ABCA13: variants seen among roughly 807,000 people sequenced by gnomAD.
ABCA13 encodes the protein ATP binding cassette subfamily A member 13.
A neutral mutation model predicts 478.7 loss-of-function variants in ABCA13; 476 were observed. The ratio of observed to expected loss-of-function variants is 0.99; its 90% CI spans 0.92 to 1.07. The LOEUF (loss-of-function observed/expected upper bound fraction) is 1.07, where lower values mean the gene tolerates loss of function less well. ABCA13 is among the 50% of genes least tolerant of loss of function. The pLI, the probability that ABCA13 is intolerant of heterozygous loss-of-function variation, is 0.00. For missense variants in ABCA13, 6,060 were observed against 5,910.6 expected (o/e 1.03, Z -0.83); for synonymous variants, 2,252 against 2,158.9 (o/e 1.04, Z -1.20).
intron 2 of ABCA13, among the ~76,000 whole-genome samples, chr7:48,193,647 G>T (rs1034177187): frequency 4.5e-4 from 68 of 150,740 alleles, no homozygotes; most frequent in African/African-American, 1.0e-3. Context: ...TAGTAACTAT[G>T]ATGATGATGA....
chr7:48,229,011 T>C (rs1275726427), intron 6 of ABCA13, among the ~76,000 whole-genome samples: 3 of 152,204 alleles, frequency 2.0e-5, no homozygotes, highest in Non-Finnish European at 4.4e-5. Context: ...TTGCAAGTGG[T>C]ACCAGGTTTC....
At chr7:48,602,439 T>C (rs1265692813) in intron 58 of ABCA13, among the ~76,000 whole-genome samples, 1 of 152,230 alleles carries the variant, frequency 6.6e-6, no homozygotes, top group Middle Eastern at 3.2e-3. Context: ...GCTTTCTGCA[T>C]ATAGCTACCC....
intron 57 of ABCA13, among the ~76,000 whole-genome samples, 173 bp from the exon 58 acceptor site, chr7:48,594,537 C>G (rs1352683870): frequency 6.6e-6 from 1 of 152,110 alleles, no homozygotes; most frequent in East Asian, 1.9e-4. Context: ...CTCTCACATT[C>G]CCCTATCATT....
intron 42 of ABCA13, among the ~76,000 whole-genome samples, chr7:48,428,211 G>A (rs1432365604): frequency 6.6e-6 from 1 of 152,104 alleles, no homozygotes; most frequent in East Asian, 1.9e-4. Context: ...GCCTACCTGC[G>A]TGGTGTGCCT....
chr7:48,642,193 C>G (rs575739290), intron 59 of ABCA13, among the ~76,000 whole-genome samples: 2 of 152,136 alleles, frequency 1.3e-5, no homozygotes, highest in Non-Finnish European at 2.9e-5. Flanking sequence ...AAACAGAACA[C>G]CAGGGCAAAG....
chr7:48,403,295 GCTT>G (rs1455748648), intron 38 of ABCA13, among the ~76,000 whole-genome samples: 1 of 152,232 alleles, frequency 6.6e-6, no homozygotes, highest in African/African-American at 2.4e-5. Context: ...GGCCTGCCTT[GCTT>G]CTTCTGACCA....
intron 3 of ABCA13, among the ~76,000 whole-genome samples, chr7:48,201,954 G>C (rs1798798850): frequency 1.3e-5 from 2 of 152,028 alleles, no homozygotes; most frequent in Admixed American, 1.3e-4. Context: ...TGAAGCTGCA[G>C]ACCTTCACGG....
chr7:48,595,130 T>G (rs141240269), intron 58 of ABCA13, among the ~76,000 whole-genome samples: 178 of 152,334 alleles, frequency 1.2e-3, no homozygotes, highest in African/African-American at 4.2e-3. Flanking sequence ...CATTTTCAGG[T>G]CTTCCTGAGG....
At chr7:48,540,581 G>C (rs1028138931) in intron 55 of ABCA13, among the ~76,000 whole-genome samples, 1 of 152,026 alleles carries the variant, frequency 6.6e-6, no homozygotes, top group Non-Finnish European at 1.5e-5. Context: ...GTACCTTCCT[G>C]CCCATGAAGC....
chr7:48,367,112 G>C (rs970122980), intron 31 of ABCA13, among the ~76,000 whole-genome samples: 1 of 152,148 alleles, frequency 6.6e-6, no homozygotes, highest in Non-Finnish European at 1.5e-5. Flanking sequence ...TACATTTAAA[G>C]GCAGGTAAAG....
chr7:48,371,076 A>T (rs1812559949), intron 32 of ABCA13, among the ~76,000 whole-genome samples: 1 of 152,114 alleles, frequency 6.6e-6, no homozygotes, highest in African/African-American at 2.4e-5. Context: ...TTTGTCGAAG[A>T]TCAGATGGTT....
In ABCA13 at chr7:48,549,181, A is replaced by G. The variant is rs141990360; in HGVS notation, c.14354+20836A>G. Reference sequence around the variant, plus strand: ...CATCTAGGTTTTAGGCCTTGCATGCATTAGGTATTTGTCCTAATGCTTTCC... The same window carrying G: ...CATCTAGGTTTTAGGCCTTGCATGCGTTAGGTATTTGTCCTAATGCTTTCC... On this transcript the variant is annotated intron_variant, in intron 55 of 61. Transcript: ENST00000435803. 4.2e-3 allele frequency among the ~76,000 whole-genome samples: 640 copies of G among 151,896 alleles called. 17 individuals carry two copies. Among genetic ancestry groups the G allele is most frequent in the South Asian group, 0.015 (73 of 4,818 alleles).
rs1303423132 is a variant in ABCA13 at position 48,276,070 on chromosome 7, A to G, written c.6404A>G (p.Asn2135Ser). The G allele has an allele frequency of 3.1e-6, 5 of 1,606,000 alleles. No homozygotes were observed. The highest frequency in any genetic ancestry group is 4.5e-5 in the East Asian group (2 of 44,728). Residue 2135 changes from asparagine (N) to serine (S), a missense_variant, in exon 17 of 62, where the codon AAT becomes AGT. By Grantham distance (46) the Asn-to-Ser change is conservative. Coordinates refer to ENST00000435803, the MANE Select transcript of ABCA13 (RefSeq NM_152701.5). Reference sequence around the variant, plus strand: ...AAAAACTGGCTTCAGGAATATGCAAATGAGGATTACTCCAGAATGATAGAA... The same window carrying G: ...AAAAACTGGCTTCAGGAATATGCAAGTGAGGATTACTCCAGAATGATAGAA... ...VTKNWLQEYANEDYSRMIETL... is the reference protein window; with the variant it reads ...VTKNWLQEYASEDYSRMIETL...
chr7:48,314,525 A>ATCT (rs1802263708), intron 26 of ABCA13, 116 bp downstream of exon 26: 2 of 975,038 alleles, frequency 2.1e-6, no homozygotes, highest in Non-Finnish European at 2.9e-6. Flanking sequence ...CTGGCATAGA[A>ATCT]TCTTCTGCTT....
chr7:48,269,130 T>A, intron 16 of ABCA13, 36 bp downstream of exon 16: 1 of 1,176,730 alleles, frequency 8.5e-7, no homozygotes, highest in Non-Finnish European at 1.3e-6. Context: ...GGTCTTGATT[T>A]AATTATCATC....
At chr7:48,257,475 C>T (rs566751895) in intron 15 of ABCA13, among the ~76,000 whole-genome samples, 4 of 152,176 alleles carry the variant, frequency 2.6e-5, no homozygotes, top group African/African-American at 9.6e-5. Context: ...AGGTATGTTC[C>T]TTCATTGCCT....
chr7:48,402,325 T>C (rs1190058187), intron 38 of ABCA13, among the ~76,000 whole-genome samples: 1 of 152,126 alleles, frequency 6.6e-6, no homozygotes, highest in African/African-American at 2.4e-5. Context: ...TGATCTCTGG[T>C]TAATGTGCTA....
At chr7:48,618,174 G>A (rs1200556504) in intron 59 of ABCA13, among the ~76,000 whole-genome samples, 2 of 152,118 alleles carry the variant, frequency 1.3e-5, no homozygotes, top group East Asian at 3.9e-4. Flanking sequence ...AGGTGGCACT[G>A]TCTTTCCTTC....
chr7:48,176,919 ATGTG>A (rs918768006), intron 1 of ABCA13, among the ~76,000 whole-genome samples: 1 of 152,104 alleles, frequency 6.6e-6, no homozygotes. Flanking sequence ...TTGTGTGTAT[ATGTG>A]TGTGTGTTTC....
Sources: allele counts gnomAD v4.1 joint callset (sites outside exome capture counted in the v4.1 genomes callset), GRCh38; gene constraint gnomAD v4.1.1; transcripts MANE v1.5; gene names NCBI Gene and HGNC (gene_info 2026-07-23, HGNC 2026-07-21).